NALF1: variants seen among roughly 807,000 people sequenced by gnomAD.
The protein encoded by NALF1 is family with sequence similarity 155 member A.
In NALF1, 3 loss-of-function variants were observed where a neutral mutation model predicts 48.4. The ratio of observed to expected loss-of-function variants is 0.06; its 90% confidence interval spans 0.03 to 0.16. The LOEUF (loss-of-function observed/expected upper bound fraction) is 0.16, where lower values mean the gene tolerates loss of function less well. Ranked by LOEUF, NALF1 falls within the 10% of genes least tolerant of loss-of-function variation. The pLI is 1.00. For synonymous variants in NALF1, 262 were observed against 245.7 expected (o/e 1.07, Z -0.62); for missense variants, 526 against 571.5 (o/e 0.92, Z 0.81).
chr13:107,747,984 C>T (rs1226199547), intron 1 of NALF1, among the ~76,000 whole-genome samples: 3 of 152,120 alleles, frequency 2.0e-5, no homozygotes, highest in African/African-American at 7.2e-5. Context: ...TAAGGAACAT[C>T]GTAAGTAAAC....
At chr13:107,693,134 G>A (rs531450291) in intron 1 of NALF1, among the ~76,000 whole-genome samples, 303 of 152,204 alleles carry the variant, frequency 2.0e-3, no homozygotes, top group Non-Finnish European at 3.1e-3. Flanking sequence ...AAGAATTTCC[G>A]TTTCTCCACA....
At chr13:107,175,693 TTA>T (rs1878912378) in intron 2 of NALF1, among the ~76,000 whole-genome samples, 1 of 152,166 alleles carries the variant, frequency 6.6e-6, no homozygotes, top group African/African-American at 2.4e-5. Flanking sequence ...TTTCTTTGCC[TTA>T]TATAGAGTCA....
chr13:107,380,783 C>T (rs1297493069), intron 1 of NALF1, among the ~76,000 whole-genome samples: 1 of 151,634 alleles, frequency 6.6e-6, no homozygotes, highest in Non-Finnish European at 1.5e-5. Context: ...TCGAGACCAT[C>T]CTGGCTAACA....
intron 1 of NALF1, among the ~76,000 whole-genome samples, chr13:107,737,986 G>A (rs1427831785): frequency 6.6e-6 from 1 of 152,082 alleles, no homozygotes; most frequent in African/African-American, 2.4e-5. Flanking sequence ...GCATAAAAAA[G>A]CAGCAAAGAT....
intron 1 of NALF1, among the ~76,000 whole-genome samples, chr13:107,553,755 C>T (rs1298860829): frequency 2.0e-5 from 3 of 152,162 alleles, no homozygotes; most frequent in African/African-American, 7.2e-5. Context: ...CCAAACAGAG[C>T]CTCTTCTGTC....
chr13:107,587,594 G>C (rs1004438702), intron 1 of NALF1, among the ~76,000 whole-genome samples: 1 of 152,110 alleles, frequency 6.6e-6, no homozygotes, highest in South Asian at 2.1e-4. Flanking sequence ...TTATAAGTGA[G>C]TCTGAGAAAG....
At chr13:107,463,828 T>C (rs1473940507) in intron 1 of NALF1, among the ~76,000 whole-genome samples, 1 of 152,196 alleles carries the variant, frequency 6.6e-6, no homozygotes, top group Non-Finnish European at 1.5e-5. Flanking sequence ...CCATTGTTAA[T>C]GCCTTACATC....
intron 1 of NALF1, among the ~76,000 whole-genome samples, chr13:107,349,751 A>AG (rs1286641063): frequency 6.6e-6 from 1 of 151,718 alleles, no homozygotes; most frequent in Non-Finnish European, 1.5e-5. Flanking sequence ...AAAAAAAAAA[A>AG]AAAAGAAACT....
chr13:107,490,229 A>G (rs889111875), intron 1 of NALF1, among the ~76,000 whole-genome samples: 12 of 152,134 alleles, frequency 7.9e-5, no homozygotes, highest in Non-Finnish European at 7.4e-5. Context: ...CTGGATATAT[A>G]CCCAAAGAAA....
chr13:107,199,855 C>G (rs1202491378), intron 2 of NALF1, among the ~76,000 whole-genome samples: 3 of 152,208 alleles, frequency 2.0e-5, no homozygotes, highest in East Asian at 1.9e-4. Context: ...TGCCCCTTCA[C>G]AGCATTGCCA....
intron 1 of NALF1, among the ~76,000 whole-genome samples, chr13:107,243,857 A>G (rs1018598462): frequency 6.6e-6 from 1 of 152,148 alleles, no homozygotes. Context: ...TGATATTCCC[A>G]TTGGATTCCA....
intron 1 of NALF1, among the ~76,000 whole-genome samples, chr13:107,550,413 T>G (rs888484436): frequency 6.6e-6 from 1 of 152,152 alleles, no homozygotes; most frequent in Non-Finnish European, 1.5e-5. Flanking sequence ...CTTTGAGATT[T>G]CTAATCATTT....
At chr13:107,851,522 T>A (rs1368422558) in intron 1 of NALF1, among the ~76,000 whole-genome samples, 1 of 152,122 alleles carries the variant, frequency 6.6e-6, no homozygotes, top group African/African-American at 2.4e-5. Context: ...AGTCATAAAG[T>A]TATCAAACAC....
chr13:107,201,225 A>G (rs2138794328), intron 2 of NALF1, among the ~76,000 whole-genome samples: 1 of 152,218 alleles, frequency 6.6e-6, no homozygotes, highest in Middle Eastern at 3.4e-3. Context: ...AAGTTGATAG[A>G]TATCTCTCAA....
intron 1 of NALF1, among the ~76,000 whole-genome samples, chr13:107,805,970 T>G (rs1015272082): frequency 6.6e-6 from 1 of 152,234 alleles, no homozygotes; most frequent in African/African-American, 2.4e-5. Context: ...GCCTTAAATA[T>G]TTTCTTACTG....
chr13:107,714,167 T>A (rs1477677079), intron 1 of NALF1, among the ~76,000 whole-genome samples: 1 of 152,238 alleles, frequency 6.6e-6, no homozygotes, highest in Non-Finnish European at 1.5e-5. Context: ...TCTTTTGTGA[T>A]GACATATGTT....
intron 1 of NALF1, among the ~76,000 whole-genome samples, chr13:107,680,463 T>G (rs993202634): frequency 5.3e-5 from 8 of 151,932 alleles, no homozygotes; most frequent in Non-Finnish European, 1.2e-4. Context: ...AGGGTGTGAG[T>G]GCATATGAAT....
At chr13:107,202,295 A>G (rs1879537705) in intron 2 of NALF1, among the ~76,000 whole-genome samples, 1 of 151,222 alleles carries the variant, frequency 6.6e-6, no homozygotes, top group African/African-American at 2.4e-5. Context: ...CTGGAAATTT[A>G]GCTATTTTGA....
rs114216340 is a variant in NALF1 at position 107,842,480 on chromosome 13, T to C, written c.915+23202A>G. ...ACCTAAAAAGGTTAAGGGTATAAAT[T>C]TGTACATTAACCAACAAGTAACAGT... On this transcript the variant is annotated intron_variant, in intron 1 of 2. Transcript: ENST00000375915. Among the ~76,000 whole-genome samples, 718 of 152,030 alleles carry C rather than the reference T, an allele frequency of 4.7e-3. 5 individuals carry two copies. The highest frequency in any genetic ancestry group is 0.017 in the African/African-American group (690 of 41,540).
Sources: allele counts gnomAD v4.1 joint callset (sites outside exome capture counted in the v4.1 genomes callset), GRCh38; gene constraint gnomAD v4.1.1; transcripts MANE v1.5; gene names NCBI Gene and HGNC (gene_info 2026-07-23, HGNC 2026-07-21).